LRRTM4: variants seen among roughly 807,000 people sequenced by gnomAD.
LRRTM4 encodes the protein leucine rich repeat transmembrane neuronal 4.
LRRTM4 carries 25 observed loss-of-function variants against 47.6 expected under a neutral mutation model. That is an observed-to-expected ratio of 0.53 (90% CI 0.38 to 0.73). LRRTM4 has a LOEUF of 0.73. LRRTM4 is among the 30% of genes least tolerant of loss of function. The pLI is 0.00. For missense variants in LRRTM4, 638 were observed against 713.4 expected (o/e 0.89, Z 1.20); for synonymous variants, 311 against 269.5 (o/e 1.15, Z -1.51).
intron 3 of LRRTM4, among the ~76,000 whole-genome samples, chr2:77,111,294 T>TTTC (rs1671242743): frequency 3.5e-5 from 5 of 141,844 alleles, no homozygotes; most frequent in African/African-American, 1.4e-4. Context: ...TTTTTTTTTT[T>TTTC]TTTTTTTTGT....
chr2:77,011,531 TTGTGTGTGTGTGTGTGTGTGTG>T (rs56982328), intron 3 of LRRTM4, among the ~76,000 whole-genome samples: 8 of 144,148 alleles, frequency 5.5e-5, no homozygotes, highest in Middle Eastern at 3.6e-3. Flanking sequence ...GAAGAAGCAT[TTGTGTGTGTGTGTGTGTGTGTG>T]TGTGTGTGTG....
At chr2:77,465,458 G>A (rs2861079) in intron 3 of LRRTM4, among the ~76,000 whole-genome samples, 74,972 of 151,848 alleles carry the variant, frequency 0.49, 19,679 homozygotes, top group South Asian at 0.72. Context: ...AATTTATAAC[G>A]TCACAGCTGT....
chr2:77,511,818 T>C (rs2104105169), intron 3 of LRRTM4, among the ~76,000 whole-genome samples: 1 of 152,296 alleles, frequency 6.6e-6, no homozygotes, highest in East Asian at 1.9e-4. Context: ...TTTACAATAT[T>C]ATAATGTATA....
intron 3 of LRRTM4, among the ~76,000 whole-genome samples, chr2:77,266,544 G>C (rs564829208): frequency 5.1e-4 from 78 of 152,234 alleles, no homozygotes; most frequent in African/African-American, 1.6e-3. Context: ...AGATAAAAAA[G>C]TGTTAAATGA....
At chr2:76,935,062 G>A (rs535140347) in intron 3 of LRRTM4, among the ~76,000 whole-genome samples, 77 of 151,884 alleles carry the variant, frequency 5.1e-4, no homozygotes, top group Non-Finnish European at 1.0e-3. Context: ...AAAGAGAAAA[G>A]AATAGTAATA....
intron 3 of LRRTM4, among the ~76,000 whole-genome samples, chr2:77,050,204 G>A (rs189311265): frequency 9.5e-4 from 140 of 147,262 alleles, no homozygotes; most frequent in South Asian, 1.9e-3. Context: ...TAAAAATCTG[G>A]GATTCTGGCA....
At chr2:77,183,394 C>G (rs1259289992) in intron 3 of LRRTM4, among the ~76,000 whole-genome samples, 1 of 152,112 alleles carries the variant, frequency 6.6e-6, no homozygotes, top group Non-Finnish European at 1.5e-5. Context: ...CCATCTCACA[C>G]CAGTTAGAAT....
chr2:77,488,327 G>A (rs547201614), intron 3 of LRRTM4, among the ~76,000 whole-genome samples: 5 of 152,170 alleles, frequency 3.3e-5, no homozygotes, highest in Non-Finnish European at 7.3e-5. Context: ...CTGCCCTGTC[G>A]CAGCTGGCAA....
intron 3 of LRRTM4, among the ~76,000 whole-genome samples, chr2:77,471,086 A>G (rs1026420328): frequency 3.9e-5 from 6 of 152,072 alleles, no homozygotes; most frequent in Non-Finnish European, 5.9e-5. Flanking sequence ...CTGAACTCCA[A>G]ATGCAATGAC....
At chr2:77,124,222 C>T (rs1671597574) in intron 3 of LRRTM4, among the ~76,000 whole-genome samples, 1 of 152,004 alleles carries the variant, frequency 6.6e-6, no homozygotes, top group African/African-American at 2.4e-5. Flanking sequence ...CAAAGAGATC[C>T]AAAAACATTA....
chr2:77,086,408 T>TTGTGTGTGTGTGTG (rs1558571412), intron 3 of LRRTM4, among the ~76,000 whole-genome samples: 8 of 94,222 alleles, frequency 8.5e-5, no homozygotes, highest in South Asian at 7.1e-4. Flanking sequence ...TAAACATTTT[T>TTGTGTGTGTGTGTG]AGTGTGTGTA....
intron 3 of LRRTM4, among the ~76,000 whole-genome samples, chr2:77,461,812 C>G (rs1676798633): frequency 6.6e-6 from 1 of 152,040 alleles, no homozygotes. Flanking sequence ...GAGCAACCAA[C>G]AGAAAGAATT....
intron 3 of LRRTM4, among the ~76,000 whole-genome samples, chr2:77,346,591 A>C (rs1037398986): frequency 7.2e-5 from 11 of 152,272 alleles, no homozygotes; most frequent in African/African-American, 2.6e-4. Context: ...ATATTCCTTA[A>C]AGTTTTTCAA....
intron 3 of LRRTM4, among the ~76,000 whole-genome samples, chr2:77,438,022 T>C (rs1675671580): frequency 6.6e-6 from 1 of 152,176 alleles, no homozygotes; most frequent in Non-Finnish European, 1.5e-5. Context: ...AATGGCATCT[T>C]GTACTAAATT....
At chr2:76,873,930 A>G (rs1360871097) in intron 3 of LRRTM4, among the ~76,000 whole-genome samples, 1 of 151,900 alleles carries the variant, frequency 6.6e-6, no homozygotes, top group Non-Finnish European at 1.5e-5. Context: ...AAATTTTATA[A>G]AGTTAATTTT....
At chr2:77,144,364 G>A (rs1672202091) in intron 3 of LRRTM4, among the ~76,000 whole-genome samples, 1 of 151,942 alleles carries the variant, frequency 6.6e-6, no homozygotes, top group Non-Finnish European at 1.5e-5. Flanking sequence ...AACCTGGGAA[G>A]CACATCACAG....
chr2:77,111,820 T>C lies in LRRTM4; in HGVS notation c.1552-362904A>G, dbSNP rs187147243. Reference sequence around the variant, plus strand: ...TCTTTAAGTAAAAAGGTGGACGTTTTTGACTGCAGAAGAAAAAAAAATTGT... The same window carrying C: ...TCTTTAAGTAAAAAGGTGGACGTTTCTGACTGCAGAAGAAAAAAAAATTGT... On this transcript the variant is annotated intron_variant, in intron 3 of 3. Transcript: ENST00000409884. Among the ~76,000 whole-genome samples the C allele has an allele frequency of 4.6e-5, 7 of 152,272 alleles. No individual in the cohort carries two copies. The East Asian group carries it at 7.7e-4, about 17-fold the overall frequency.
At chr2:77,182,310 C>T (rs1381583573) in intron 3 of LRRTM4, among the ~76,000 whole-genome samples, 1 of 152,046 alleles carries the variant, frequency 6.6e-6, no homozygotes, top group Non-Finnish European at 1.5e-5. Flanking sequence ...CCTCAGCAAA[C>T]TAAGACAGGA....
chr2:77,450,585 C>T (rs1369438238), intron 3 of LRRTM4, among the ~76,000 whole-genome samples: 2 of 152,082 alleles, frequency 1.3e-5, no homozygotes, highest in East Asian at 3.9e-4. Flanking sequence ...TAGGAGTTTG[C>T]AACTACTATT....
Sources: allele counts gnomAD v4.1 joint callset (sites outside exome capture counted in the v4.1 genomes callset), GRCh38; gene constraint gnomAD v4.1.1; transcripts MANE v1.5; gene names NCBI Gene and HGNC (gene_info 2026-07-23, HGNC 2026-07-21).